CNPY1: variants seen among roughly 807,000 people sequenced by gnomAD.
CNPY1 encodes the protein protein canopy homolog 1.
Under a neutral mutation model 14.4 loss-of-function variants are expected in CNPY1, and 14 were observed. The ratio of observed to expected loss-of-function variants is 0.97; its 90% CI spans 0.64 to 1.52. CNPY1 has a LOEUF of 1.52. Ranked by LOEUF, CNPY1 falls within the 40% of genes most tolerant of loss-of-function variation. The pLI, the probability that CNPY1 is intolerant of heterozygous loss-of-function variation, is 0.00. For synonymous variants in CNPY1, 43 were observed against 46.5 expected, an observed-to-expected ratio of 0.92 and a Z score of 0.31; for missense variants, 129 against 131.5, an observed-to-expected ratio of 0.98 and a Z score of 0.09.
chr7:155,546,096 T>C, intron 1 of CNPY1, among the ~76,000 whole-genome samples, 153 bp from the exon 2 acceptor site: 1 of 152,214 alleles, frequency 6.6e-6, no homozygotes, highest in East Asian at 1.9e-4. Flanking sequence ...TGCAGAGTTT[T>C]CAAAGACAGT....
chr7:155,545,716 G>C (rs1797149691), intron 2 of CNPY1, 115 bp downstream of exon 2: 1 of 394,264 alleles, frequency 2.5e-6, no homozygotes, highest in Non-Finnish European at 4.5e-6. Flanking sequence ...ATTTAGAGCT[G>C]ATACCCTGAA....
chr7:155,538,534 A>G (rs1220782469), intron 2 of CNPY1, among the ~76,000 whole-genome samples: 1 of 151,948 alleles, frequency 6.6e-6, no homozygotes, highest in Non-Finnish European at 1.5e-5. Flanking sequence ...CGTGCCCAGG[A>G]CAGGCCACGC....
intron 4 of CNPY1, 45 bp from the exon 5 acceptor site, chr7:155,503,150 C>T: frequency 6.8e-7 from 1 of 1,468,246 alleles, no homozygotes; most frequent in Non-Finnish European, 9.4e-7. Context: ...TCACTTTAGA[C>T]TCCAGCCCGT....
rs369579424 is a variant in CNPY1 at position 155,505,828 on chromosome 7, A to G, written c.400+1192T>C. Among the ~76,000 whole-genome samples, 28 of 152,326 alleles carry G rather than the reference A, an allele frequency of 1.8e-4. No individual in the cohort carries two copies. The East Asian group carries it at 5.2e-3, about 28-fold the overall frequency. On this transcript the variant is annotated intron_variant, in intron 4 of 4. Transcript: ENST00000636446. The stretch of plus-strand genomic sequence containing the variant: ...TGGACATCACACATTTCTATAGTAT[A>G]TCTCCCACATCAAAGAAAAATACCC...
intron 2 of CNPY1, among the ~76,000 whole-genome samples, chr7:155,516,134 G>A (rs964114931): frequency 1.3e-5 from 2 of 152,098 alleles, no homozygotes; most frequent in Non-Finnish European, 2.9e-5. Context: ...AGGATTCGAA[G>A]GGAATGGTCC....
At chr7:155,511,974 T>A (rs1435969806) in intron 2 of CNPY1, among the ~76,000 whole-genome samples, 2 of 152,160 alleles carry the variant, frequency 1.3e-5, no homozygotes, top group Non-Finnish European at 2.9e-5. Context: ...ATTTAAAGAC[T>A]GTTCACAGAA....
At chr7:155,506,899 C>A in intron 4 of CNPY1, 121 bp downstream of exon 4, 1 of 683,830 alleles carries the variant, frequency 1.5e-6, no homozygotes, top group Non-Finnish European at 2.6e-6. Context: ...ACGGGGGATC[C>A]TGTGTCAGAG....
At chr7:155,515,328 T>G in intron 2 of CNPY1, among the ~76,000 whole-genome samples, 1 of 135,538 alleles carries the variant, frequency 7.4e-6, no homozygotes, top group Non-Finnish European at 1.6e-5. Flanking sequence ...CAGGAACTCT[T>G]TCACATCCTA....
intron 2 of CNPY1, among the ~76,000 whole-genome samples, chr7:155,543,040 A>T (rs559833338): frequency 6.6e-5 from 10 of 151,874 alleles, no homozygotes; most frequent in African/African-American, 2.4e-4. Context: ...TCTCGGGGGA[A>T]CCCGCCTCAC....
rs11364914 is a variant in CNPY1, at chr7:155,527,434, C to CTTTTTT, written c.100-18343_100-18338dup. ...CATGTGTTATTTTGATAATTAATTTCTTTTTTTTTTTTTTTTTTTTTTTTT... is the reference window on the plus strand; with the variant it reads ...CATGTGTTATTTTGATAATTAATTTCTTTTTTTTTTTTTTTTTTTTTTTTTTTTTTT... On this transcript the variant is annotated intron_variant, in intron 2 of 4. Coordinates refer to ENST00000636446, the MANE Select transcript of CNPY1 (RefSeq NM_001393663.1). 9.5e-4 allele frequency among the ~76,000 whole-genome samples: 54 copies of CTTTTTT among 56,900 alleles called. 1 individual carries two copies. The highest frequency in any genetic ancestry group is 1.3e-3 in the Non-Finnish European group (42 of 33,324). The allele number at this position is 56,900 out of a possible 152,430, so 37.3% of individuals were successfully genotyped here. A position where few individuals can be genotyped will look rare whatever the true frequency, so the allele number is the denominator to read the frequency against.
chr7:155,506,877 G>T, intron 4 of CNPY1, 143 bp downstream of exon 4: 9 of 635,706 alleles, frequency 1.4e-5, no homozygotes, highest in East Asian at 2.9e-5. Context: ...TGTCGTTTCT[G>T]ATTCAGCGGA....
At position 155,506,573 on chromosome 7, in the gene CNPY1, AAAC is replaced by A. The variant is rs758437883; in HGVS notation, c.400+444_400+446del. 6.7e-3 allele frequency: 922 copies of A among 138,646 alleles called. 5 individuals are homozygous for A. Among genetic ancestry groups the A allele is most frequent in the Non-Finnish European group, 7.2e-3 (536 of 73,962 alleles). 8.6% of individuals were successfully genotyped at this position (138,646 alleles called of 1,614,324 possible). A position where few individuals can be genotyped will look rare whatever the true frequency, so the allele number is the denominator to read the frequency against. ...CCCCCAAACAAACAAACAAACAAAC[AAAC>A]AAAAAAACTTTAGAAAGTTCTTACA... On this transcript the variant is annotated intron_variant, in intron 4 of 4. Transcript: ENST00000636446.
At chr7:155,534,426 C>T (rs192008622) in intron 2 of CNPY1, among the ~76,000 whole-genome samples, 2 of 152,234 alleles carry the variant, frequency 1.3e-5, no homozygotes, top group Middle Eastern at 3.2e-3. Flanking sequence ...GACAAATGCA[C>T]ATGTGCACTT....
intron 3 of CNPY1, among the ~76,000 whole-genome samples, chr7:155,507,471 TAAAAAAAAAA>T (rs35711313): frequency 5.0e-4 from 27 of 54,142 alleles, no homozygotes; most frequent in Non-Finnish European, 5.4e-4. Flanking sequence ...GTTTTTAAAC[TAAAAAAAAAA>T]AAAAAAAAAA....
At chr7:155,524,529 C>T (rs984421040) in intron 2 of CNPY1, among the ~76,000 whole-genome samples, 1 of 152,122 alleles carries the variant, frequency 6.6e-6, no homozygotes, top group Non-Finnish European at 1.5e-5. Flanking sequence ...GAGTGTGAAC[C>T]CTATTGTGAA....
At chr7:155,511,776 T>A (rs1796537836) in intron 2 of CNPY1, among the ~76,000 whole-genome samples, 1 of 152,242 alleles carries the variant, frequency 6.6e-6, no homozygotes, top group African/African-American at 2.4e-5. Flanking sequence ...ACAGCCAGCA[T>A]GAGACGAGTG....
At chr7:155,521,041 G>GAAA (rs35803409) in intron 2 of CNPY1, among the ~76,000 whole-genome samples, 2 of 147,670 alleles carry the variant, frequency 1.4e-5, no homozygotes, top group African/African-American at 5.0e-5. Flanking sequence ...GCATGAGAAT[G>GAAA]AAAAAAAAAG....
intron 2 of CNPY1, among the ~76,000 whole-genome samples, chr7:155,528,874 C>A (rs572520288): frequency 3.9e-5 from 6 of 152,234 alleles, no homozygotes; most frequent in African/African-American, 7.2e-5. Context: ...TCCTGGCTAA[C>A]ATGATGAAAC....
chr7:155,522,812 C>A (rs931380483), intron 2 of CNPY1, among the ~76,000 whole-genome samples: 1 of 152,232 alleles, frequency 6.6e-6, no homozygotes, highest in African/African-American at 2.4e-5. Flanking sequence ...CAATCAGTGT[C>A]ACGGAACTCA....
Sources: gnomAD v4.1 joint callset for allele counts (sites outside exome capture counted in the v4.1 genomes callset) on GRCh38, gnomAD v4.1.1 for gene constraint, MANE v1.5 for transcripts, NCBI Gene and HGNC (gene_info 2026-07-23, HGNC 2026-07-21) for gene names.